The following CDON variants were observed in gnomAD, a reference collection of about 807,000 sequenced individuals.
CDON encodes cell adhesion associated, oncogene regulated.
A neutral mutation model predicts 120.9 loss-of-function variants in CDON; 73 were observed. That is an observed-to-expected ratio of 0.60 (90% CI 0.50 to 0.73). The LOEUF is 0.73. CDON is among the 30% of genes least tolerant of loss of function. The pLI is 0.00. For missense variants in CDON, 1,470 were observed against 1,587.3 expected (o/e 0.93, Z 1.26); for synonymous variants, 566 against 573.5 (o/e 0.99, Z 0.19).
chr11:126,046,957 G>C (rs1948421011), intron 1 of CDON, among the ~76,000 whole-genome samples: 1 of 152,190 alleles, frequency 6.6e-6, no homozygotes, highest in Non-Finnish European at 1.5e-5. Flanking sequence ...AAACCTGAAA[G>C]AACAGATGTA....
chr11:125,957,189 C>G lies in CDON; in HGVS notation c.*3753G>C, dbSNP rs984737863. The G allele has an allele frequency of 6.6e-6, 1 of 152,230 alleles. No individual in the cohort carries two copies. The highest frequency in any genetic ancestry group is 1.5e-5 in the Non-Finnish European group (1 of 68,104). 9.4% of individuals were successfully genotyped at this position (152,230 alleles called of 1,614,324 possible). On this transcript the variant is annotated 3_prime_UTR_variant, in exon 20 of 20. Coordinates refer to ENST00000531738, the MANE Select transcript of CDON (RefSeq NM_001378964.1). ...CCTCCAAGGAAACGCAAAGTTGCCC[C>G]GAGGAGGTGGGCCTGCCTCCACATC...
At chr11:125,982,306 ACTGC>A (rs1323791522) in intron 16 of CDON, among the ~76,000 whole-genome samples, 1 of 152,144 alleles carries the variant, frequency 6.6e-6, no homozygotes, top group African/African-American at 2.4e-5. Context: ...CATACAAATG[ACTGC>A]CTCAAAACTG....
At chr11:126,022,882 T>A (rs1947680456) in intron 2 of CDON, among the ~76,000 whole-genome samples, 2 of 152,250 alleles carry the variant, frequency 1.3e-5, no homozygotes, top group African/African-American at 4.8e-5. Flanking sequence ...GTCTTAGGCA[T>A]GGGGCTTACA....
At chr11:126,050,633 T>C (rs1374839924) in intron 1 of CDON, among the ~76,000 whole-genome samples, 1 of 152,082 alleles carries the variant, frequency 6.6e-6, no homozygotes, top group Non-Finnish European at 1.5e-5. Context: ...AAAATTATGC[T>C]GTATACAGAA....
At position 126,034,035 on chromosome 11, in the gene CDON, T is replaced by C. The variant is rs1948025182; in HGVS notation, c.-61-10498A>G. Among the ~76,000 whole-genome samples, 1 of 152,086 alleles carries C rather than the reference T, an allele frequency of 6.6e-6. No homozygotes were observed. The highest frequency in any genetic ancestry group is 2.4e-5 in the African/African-American group (1 of 41,412). ...CCAATCACTGGGAGTGCTCTCTTCCTGCCAGGATGAAGCCCCTGGGTGTGA... is the reference window on the plus strand; with the variant it reads ...CCAATCACTGGGAGTGCTCTCTTCCCGCCAGGATGAAGCCCCTGGGTGTGA... On this transcript the variant is annotated intron_variant, in intron 1 of 19. Transcript: ENST00000531738. The surrounding 1 kb of genome is among the most constrained non-coding windows in gnomAD (Gnocchi z 4.5).
At chr11:126,050,964 T>G (rs989640270) in intron 1 of CDON, among the ~76,000 whole-genome samples, 1 of 152,010 alleles carries the variant, frequency 6.6e-6, no homozygotes, top group African/African-American at 2.4e-5. Context: ...TATTTCTCAG[T>G]GAATGAGAAA....
At chr11:125,981,582 G>A (rs934083784) in intron 16 of CDON, among the ~76,000 whole-genome samples, 5 of 152,098 alleles carry the variant, frequency 3.3e-5, no homozygotes, top group Admixed American at 3.3e-4. Context: ...CTTTAATAAA[G>A]TTACTGCTAT....
chr11:126,016,678 C>A (rs7930483), intron 6 of CDON, among the ~76,000 whole-genome samples: 15,808 of 152,046 alleles, frequency 0.1, 857 homozygotes, highest in Admixed American at 0.13. Flanking sequence ...AGTATTCTGC[C>A]CTCCTCAGCC....
intron 18 of CDON, among the ~76,000 whole-genome samples, chr11:125,962,956 CT>C (rs1483202915): frequency 2.6e-5 from 4 of 152,104 alleles, no homozygotes; most frequent in African/African-American, 9.7e-5. Context: ...TTTCTATTGA[CT>C]TTTTTTCCCT....
chr11:126,028,707 A>AAGTT (rs1947866127), intron 1 of CDON, among the ~76,000 whole-genome samples: 1 of 145,820 alleles, frequency 6.9e-6, no homozygotes, highest in Admixed American at 6.9e-5. Flanking sequence ...AGCTGCGGAG[A>AAGTT]ATTTATTTAT....
chr11:125,994,746 C>A (rs938439151), intron 13 of CDON, 125 bp downstream of exon 13: 26 of 802,198 alleles, frequency 3.2e-5, no homozygotes, highest in Non-Finnish European at 5.3e-5. Context: ...AATATTGGTG[C>A]CCTTGCACTT....
In CDON at chr11:126,033,901, A is replaced by G. The variant is rs897147072; in HGVS notation, c.-61-10364T>C. On this transcript the variant is annotated intron_variant, in intron 1 of 19. Coordinates refer to ENST00000531738, the MANE Select transcript of CDON (RefSeq NM_001378964.1). ...GAATTTCTTAAAGCAGTCATGTGCAATTAACAATGATGTATCTTCTGACCT... is the reference window on the plus strand; with the variant it reads ...GAATTTCTTAAAGCAGTCATGTGCAGTTAACAATGATGTATCTTCTGACCT... 1.4e-4 allele frequency among the ~76,000 whole-genome samples: 22 copies of G among 152,292 alleles called. 2 individuals are homozygous for G. The highest frequency in any genetic ancestry group is 5.1e-4 in the African/African-American group (21 of 41,568).
At chr11:126,038,290 G>C (rs73021223) in intron 1 of CDON, among the ~76,000 whole-genome samples, 12,359 of 152,158 alleles carry the variant, frequency 0.081, 603 homozygotes, top group Admixed American at 0.13. Flanking sequence ...ATTCTGGAAA[G>C]ACTGTCAGAA....
chr11:126,005,670 C>T (rs546790117), intron 9 of CDON, 89 bp downstream of exon 9: 5 of 1,218,388 alleles, frequency 4.1e-6, no homozygotes, highest in Non-Finnish European at 6.0e-6. Flanking sequence ...CTGTTTCCTG[C>T]CATTCTACAA....
At chr11:125,994,807 A>T in intron 13 of CDON, 64 bp downstream of exon 13, 1 of 1,391,206 alleles carries the variant, frequency 7.2e-7, no homozygotes, top group Non-Finnish European at 1.0e-6. Flanking sequence ...GTGTCATGAG[A>T]ATATTAAATT....
chr11:125,977,678 G>A (rs950950593), intron 18 of CDON, among the ~76,000 whole-genome samples: 5 of 152,150 alleles, frequency 3.3e-5, no homozygotes, highest in African/African-American at 1.2e-4. Context: ...GAGAGAGGTC[G>A]TAGGAAAGTG....
chr11:126,011,143 G>A (rs548391662), intron 7 of CDON, among the ~76,000 whole-genome samples: 5 of 152,084 alleles, frequency 3.3e-5, no homozygotes, highest in South Asian at 4.1e-4. Context: ...TATAAAAAGC[G>A]TGGGAGAAAA....
intron 8 of CDON, among the ~76,000 whole-genome samples, chr11:126,008,767 C>T (rs561402442): frequency 8.5e-5 from 13 of 152,312 alleles, no homozygotes; most frequent in South Asian, 2.1e-4. Flanking sequence ...TAAACACACA[C>T]GCACATTCAT....
chr11:126,021,631 T>A, intron 2 of CDON, 111 bp from the exon 3 acceptor site: 1 of 947,838 alleles, frequency 1.1e-6, no homozygotes, highest in Admixed American at 2.5e-5. Context: ...AAGGCAATCT[T>A]TTATTTTATA....
Sources: allele counts gnomAD v4.1 joint callset (sites outside exome capture counted in the v4.1 genomes callset), GRCh38; gene constraint gnomAD v4.1.1; non-coding constraint Gnocchi (gnomAD v3.1); transcripts MANE v1.5; gene names NCBI Gene and HGNC (gene_info 2026-07-23, HGNC 2026-07-21).